Variants in CSPP1 observed in about 807,000 individuals in gnomAD.
CSPP1 encodes the protein centrosome and spindle pole associated protein 1, also known as centrosome and spindle pole-associated protein 1.
Under a neutral mutation model 164.4 loss-of-function variants are expected in CSPP1, and 126 were observed. The ratio of observed to expected loss-of-function variants is 0.77; its 90% confidence interval spans 0.66 to 0.89. CSPP1 has a LOEUF of 0.89. Ranked by LOEUF, CSPP1 falls within the 40% of genes least tolerant of loss-of-function variation. CSPP1 has a pLI of 0.00. For missense variants in CSPP1, 1,395 were observed against 1,449.8 expected (o/e 0.96, Z 0.61); for synonymous variants, 472 against 476.7 (o/e 0.99, Z 0.13).
intron 15 of CSPP1, among the ~76,000 whole-genome samples, chr8:67,120,677 A>G (rs763488614): frequency 1.3e-4 from 20 of 152,094 alleles, no homozygotes; most frequent in Non-Finnish European, 2.4e-4. Flanking sequence ...TTGTTAGTGT[A>G]TAGAAATGCA....
At chr8:67,193,384 A>G (rs1836959378) in intron 29 of CSPP1, 80 bp from the exon 30 acceptor site, 1 of 1,306,116 alleles carries the variant, frequency 7.7e-7, no homozygotes, top group Admixed American at 1.8e-5. Context: ...GGTGATAGGC[A>G]CCATGCCTGG....
intron 29 of CSPP1, among the ~76,000 whole-genome samples, chr8:67,191,677 AT>A: frequency 6.6e-6 from 1 of 152,302 alleles, no homozygotes; most frequent in Middle Eastern, 3.4e-3. Flanking sequence ...AACAATAGAT[AT>A]TTGGGTTGTT....
chr8:67,070,140 AAATCTTTC>A (rs1328274132), intron 1 of CSPP1, among the ~76,000 whole-genome samples: 8 of 152,212 alleles, frequency 5.3e-5, no homozygotes, highest in South Asian at 4.1e-4. Context: ...TTACTAGGAA[AAATCTTTC>A]GTGACTATTA....
chr8:67,113,933 G>A (rs757998718), intron 11 of CSPP1, 71 bp downstream of exon 11: 24 of 868,000 alleles, frequency 2.8e-5, no homozygotes, highest in Non-Finnish European at 4.3e-5. Context: ...GGCAGGTGGG[G>A]ATAGAGAATA....
In CSPP1 at chr8:67,190,696, T is replaced by G; in HGVS notation, c.3267T>G (p.Pro1089=). 2 of 1,614,088 alleles carry G rather than the reference T, an allele frequency of 1.2e-6. No homozygotes were observed. The highest frequency in any genetic ancestry group is 1.7e-6 in the Non-Finnish European group (2 of 1,179,962). Residue 1089 remains proline (P), a synonymous_variant, in exon 29 of 31, where the codon CCT becomes CCG. Coordinates refer to ENST00000678616, the MANE Select transcript of CSPP1 (RefSeq NM_001382391.1). ...TYPAIEDDVL[P]PPSQLPSARE... The stretch of plus-strand genomic sequence containing the variant: ...CTGCCATTGAAGATGACGTCCTCCC[T>G]CCACCATCACAGTTGCCCTCTGCAC...
chr8:67,160,464 CAAAAAAAA>C (rs1206237868), intron 21 of CSPP1, among the ~76,000 whole-genome samples: 3 of 77,766 alleles, frequency 3.9e-5, no homozygotes, highest in Non-Finnish European at 7.8e-5. Context: ...GACTCCATCT[CAAAAAAAA>C]AAAAAAAAGA....
At chr8:67,192,427 T>C (rs1185720540) in intron 29 of CSPP1, among the ~76,000 whole-genome samples, 1 of 152,202 alleles carries the variant, frequency 6.6e-6, no homozygotes, top group East Asian at 1.9e-4. Flanking sequence ...AAGAGTTCTT[T>C]TACATTCTCA....
intron 11 of CSPP1, 128 bp from the exon 12 acceptor site, chr8:67,114,201 A>G (rs1817465826): frequency 5.8e-6 from 1 of 171,790 alleles, no homozygotes; most frequent in Non-Finnish European, 1.2e-5. Flanking sequence ...TACTTTTCTT[A>G]CATTGGAGTG....
intron 28 of CSPP1, among the ~76,000 whole-genome samples, chr8:67,183,461 A>G: frequency 6.6e-6 from 1 of 152,222 alleles, no homozygotes; most frequent in East Asian, 1.9e-4. Flanking sequence ...CCCAGACCAC[A>G]ATGGAAATAA....
chr8:67,082,530 T>C (rs555452482), intron 3 of CSPP1, among the ~76,000 whole-genome samples: 12 of 152,208 alleles, frequency 7.9e-5, no homozygotes, highest in Non-Finnish European at 1.3e-4. Context: ...TCCTTGTAAG[T>C]CACCCATTGT....
At chr8:67,114,111 A>G (rs1817448483) in intron 11 of CSPP1, 2 of 314,028 alleles carry the variant, frequency 6.4e-6, no homozygotes, top group Non-Finnish European at 1.2e-5. Flanking sequence ...CTTTATTCAC[A>G]TGTACTATTC....
intron 3 of CSPP1, chr8:67,084,260 A>G (rs933917860): frequency 1.3e-5 from 2 of 152,214 alleles, no homozygotes; most frequent in Non-Finnish European, 2.9e-5. Context: ...TCCCTAAGGA[A>G]TCCTCTGTTA....
At chr8:67,117,278 T>A (rs1309903412) in intron 13 of CSPP1, among the ~76,000 whole-genome samples, 2 of 152,200 alleles carry the variant, frequency 1.3e-5, no homozygotes, top group African/African-American at 4.8e-5. Flanking sequence ...TTAGACACAT[T>A]GAGTGGCTAG....
intron 4 of CSPP1, chr8:67,086,906 G>A (rs1463520650): frequency 2.6e-5 from 21 of 821,580 alleles, no homozygotes; most frequent in Non-Finnish European, 3.2e-5. Flanking sequence ...TTTTTTTTAC[G>A]ATCTAGAAGG....
intron 9 of CSPP1, among the ~76,000 whole-genome samples, chr8:67,111,475 A>G (rs1452911219): frequency 6.6e-6 from 1 of 152,172 alleles, no homozygotes; most frequent in African/African-American, 2.4e-5. Context: ...TCCAAGGTTA[A>G]TGGCTCTGAG....
At chr8:67,081,156 C>G (rs1162674055) in intron 3 of CSPP1, 1 of 132,418 alleles carries the variant, frequency 7.6e-6, no homozygotes, top group Non-Finnish European at 1.5e-5. Flanking sequence ...TCCAAGGTAC[C>G]CACTGTGAAT....
At chr8:67,112,619 A>G (rs1056544339) in intron 10 of CSPP1, among the ~76,000 whole-genome samples, 15 of 152,036 alleles carry the variant, frequency 9.9e-5, no homozygotes, top group Non-Finnish European at 1.9e-4. Flanking sequence ...CCTTCTTTCT[A>G]TTCTCAGAGC....
In CSPP1 at chr8:67,065,777, C is replaced by T. The variant is rs142620606; in HGVS notation, c.-11+1239C>T. ...CTCCTGACCTCAAGTGATCCGTTTG[C>T]CTCGGCTTCCCAAAGTGCTGGAATT... On this transcript the variant is annotated intron_variant, in intron 1 of 30. Coordinates refer to ENST00000678616, the MANE Select transcript of CSPP1 (RefSeq NM_001382391.1). Among the ~76,000 whole-genome samples the T allele has an allele frequency of 2.2e-3, 331 of 152,288 alleles. 2 individuals are homozygous for T. Among genetic ancestry groups the T allele is most frequent in the Admixed American group, 3.7e-3 (56 of 15,300 alleles).
chr8:67,164,187 A>G (rs139536215), intron 23 of CSPP1, among the ~76,000 whole-genome samples: 8 of 152,344 alleles, frequency 5.3e-5, no homozygotes, highest in South Asian at 2.1e-4. Flanking sequence ...TGAAATTCCT[A>G]TATTATAAAA....
Sources: gnomAD v4.1 joint callset for allele counts (sites outside exome capture counted in the v4.1 genomes callset) on GRCh38, gnomAD v4.1.1 for gene constraint, MANE v1.5 for transcripts, NCBI Gene and HGNC (gene_info 2026-07-23, HGNC 2026-07-21) for gene names.